OTUD7B: variants seen among roughly 807,000 people sequenced by gnomAD.
OTUD7B encodes OTU deubiquitinase 7B.
OTUD7B carries 34 observed loss-of-function variants against 82.2 expected under a neutral mutation model. The observed-to-expected ratio is 0.41, with a 90% CI of 0.31 to 0.55. The LOEUF is 0.55. Among genes scored for constraint, OTUD7B ranks in the 20% least tolerant of loss-of-function variants. The pLI is 0.20. For missense variants in OTUD7B, 944 were observed against 1,062.1 expected (o/e 0.89, Z 1.55); for synonymous variants, 398 against 402.7 (o/e 0.99, Z 0.14).
Position 149,944,086 on chromosome 1 carries a change from G to T in OTUD7B, c.2303C>A (p.Pro768His), listed in dbSNP as rs782213642. 1.9e-6 allele frequency: 3 copies of T among 1,614,114 alleles called. No homozygotes were observed. Among genetic ancestry groups the T allele is most frequent in the Non-Finnish European group, 2.5e-6 (3 of 1,179,984 alleles). Residue 768 changes from proline (P) to histidine (H), a missense_variant, in exon 12 of 12, where the codon CCC (proline) becomes CAC (histidine). This residue lies in a region of OTUD7B where 412 missense variants were observed against 418.7 expected (regional missense o/e 0.98). Transcript: ENST00000581312. ...GCTATAGGAATCAGCCACTCGGTAG[G>T]GGGGTGGTAACAAGGCACCCCTGTG... Reference protein sequence around the residue: ...GLHRGALLPPPYRVADSYSNG... With the variant: ...GLHRGALLPPHYRVADSYSNG...
At chr1:150,000,992 TAATA>T (rs1182881151) in intron 1 of OTUD7B, among the ~76,000 whole-genome samples, 6 of 151,054 alleles carry the variant, frequency 4.0e-5, no homozygotes, top group African/African-American at 7.3e-5. Context: ...AATAAATAAA[TAATA>T]AATAAATAAA....
chr1:150,064,317 A>G, the OTUD7B span, among the ~76,000 whole-genome samples: 1 of 152,102 alleles, frequency 6.6e-6, no homozygotes, highest in African/African-American at 2.4e-5. Context: ...TGTATGACAC[A>G]AGTAATCCTT....
intron 1 of OTUD7B, among the ~76,000 whole-genome samples, chr1:149,980,277 C>T (rs1553779394): frequency 6.6e-6 from 1 of 151,356 alleles, no homozygotes; most frequent in African/African-American, 2.4e-5. Flanking sequence ...CCTAACAGCA[C>T]ATTCTTACAT....
At chr1:150,035,574 A>G in the OTUD7B span, among the ~76,000 whole-genome samples, 1 of 152,174 alleles carries the variant, frequency 6.6e-6, no homozygotes, top group Admixed American at 6.5e-5. Context: ...GGGTTACCAT[A>G]TGTATATGTT....
At position 149,950,794 on chromosome 1, in the gene OTUD7B, T is replaced by TTTG. The variant is rs1417181806; in HGVS notation, c.846-574_846-573insCAA. 5.5e-4 allele frequency among the ~76,000 whole-genome samples: 7 copies of TTTG among 12,628 alleles called. No individual in the cohort carries two copies. The South Asian group carries it at 0.034, about 61-fold the overall frequency. 8.3% of individuals were successfully genotyped at this position (12,628 alleles called of 152,430 possible). ...CCATCTCCCGTGTGTTTTTTGTTTT[T>TTTG]TTTTCTTTTTTTTTTTTGAGATAGA... On this transcript the variant is annotated intron_variant, in intron 7 of 11. Coordinates refer to ENST00000581312, the MANE Select transcript of OTUD7B (RefSeq NM_020205.4).
At chr1:149,964,126 TA>T in intron 6 of OTUD7B, 95 bp downstream of exon 6, 1 of 1,440,492 alleles carries the variant, frequency 6.9e-7, no homozygotes, top group South Asian at 1.2e-5. Context: ...CACACTGACC[TA>T]AACACTTGGA....
chr1:150,017,340 A>G, the OTUD7B span, among the ~76,000 whole-genome samples: 2 of 152,300 alleles, frequency 1.3e-5, no homozygotes, highest in East Asian at 3.9e-4. Flanking sequence ...AGAGATTAAA[A>G]AAGGGCCCTT....
At chr1:150,036,686 T>G in the OTUD7B span, among the ~76,000 whole-genome samples, 2 of 152,186 alleles carry the variant, frequency 1.3e-5, no homozygotes, top group African/African-American at 4.8e-5. Flanking sequence ...AAAATTTGTT[T>G]TAATAGAATG....
intron 3 of OTUD7B, among the ~76,000 whole-genome samples, chr1:149,969,676 G>A (rs1324911695): frequency 1.3e-5 from 2 of 152,096 alleles, no homozygotes; most frequent in Non-Finnish European, 2.9e-5. Flanking sequence ...TACATACATT[G>A]CATTGTGTCT....
the OTUD7B span, among the ~76,000 whole-genome samples, chr1:150,019,764 T>G: frequency 1.3e-5 from 2 of 152,226 alleles, no homozygotes; most frequent in Non-Finnish European, 2.9e-5. Context: ...GATCCATCCC[T>G]AGGGGACTAA....
chr1:149,964,404 G>A (rs376470490), intron 5 of OTUD7B, 55 bp from the exon 6 acceptor site: 2 of 1,569,934 alleles, frequency 1.3e-6, no homozygotes, highest in African/African-American at 1.4e-5. Flanking sequence ...GCTAATTTTT[G>A]TATTTTTAGT....
the OTUD7B span, among the ~76,000 whole-genome samples, chr1:150,049,576 AGGG>A: frequency 6.7e-6 from 1 of 148,740 alleles, no homozygotes; most frequent in Non-Finnish European, 1.5e-5. Context: ...GTCACTTATT[AGGG>A]GACATTATCT....
At chr1:150,028,252 C>A in the OTUD7B span, among the ~76,000 whole-genome samples, 1 of 152,128 alleles carries the variant, frequency 6.6e-6, no homozygotes, top group Non-Finnish European at 1.5e-5. Context: ...TCTGTAGAGC[C>A]CAGCTCAAGC....
intron 7 of OTUD7B, among the ~76,000 whole-genome samples, chr1:149,952,374 T>C (rs1224639148): frequency 3.9e-5 from 6 of 152,164 alleles, no homozygotes; most frequent in African/African-American, 1.4e-4. Context: ...ATAAAGGACA[T>C]GAACTCATGC....
chr1:149,966,359 C>A (rs189500541), intron 4 of OTUD7B, among the ~76,000 whole-genome samples: 37 of 152,232 alleles, frequency 2.4e-4, no homozygotes, highest in Non-Finnish European at 3.7e-4. Flanking sequence ...ACTCAGGAGA[C>A]CAGTATGTAT....
chr1:150,049,324 C>T, the OTUD7B span, among the ~76,000 whole-genome samples: 1 of 152,138 alleles, frequency 6.6e-6, no homozygotes, highest in African/African-American at 2.4e-5. Context: ...GTTGAAACTA[C>T]TATATCACCA....
At chr1:149,955,843 A>C (rs1648627424) in intron 7 of OTUD7B, among the ~76,000 whole-genome samples, 1 of 152,090 alleles carries the variant, frequency 6.6e-6, no homozygotes, top group Non-Finnish European at 1.5e-5. Context: ...TTTATCAGAG[A>C]CTAGGATTGC....
At chr1:150,023,988 C>T in the OTUD7B span, among the ~76,000 whole-genome samples, 1 of 152,166 alleles carries the variant, frequency 6.6e-6, no homozygotes, top group Non-Finnish European at 1.5e-5. Context: ...ATTGAACAAG[C>T]ACTTTAATTG....
the OTUD7B span, among the ~76,000 whole-genome samples, chr1:150,050,784 G>T: frequency 4.0e-5 from 6 of 151,882 alleles, no homozygotes; most frequent in Non-Finnish European, 7.4e-5. Context: ...ATTCAAGGGC[G>T]CCCTCTGTCT....
Sources: gnomAD v4.1 joint callset for allele counts (sites outside exome capture counted in the v4.1 genomes callset) on GRCh38, gnomAD v4.1.1 for gene constraint, gnomAD v4.1.1 regional missense constraint, MANE v1.5 for transcripts, NCBI Gene and HGNC (gene_info 2026-07-23, HGNC 2026-07-21) for gene names.